LIN28B: variants seen among roughly 807,000 people sequenced by gnomAD.
LIN28B encodes the protein lin-28 RNA binding posttranscriptional regulator B.
In LIN28B, 5 loss-of-function variants were observed where a neutral mutation model predicts 21.9. The ratio of observed to expected loss-of-function variants is 0.23; its 90% CI spans 0.12 to 0.48. LIN28B has a LOEUF of 0.48. Ranked by LOEUF, LIN28B falls within the 20% of genes least tolerant of loss-of-function variation. The probability of loss-of-function intolerance (pLI) is 0.98; values close to 1 mark genes in which losing one functional copy is unlikely to be tolerated. For synonymous variants in LIN28B, 109 were observed against 111.3 expected (o/e 0.98, Z 0.13); for missense variants, 245 against 310.5 (o/e 0.79, Z 1.58).
At chr6:105,029,213 T>C (rs1173893782) in intron 3 of LIN28B, among the ~76,000 whole-genome samples, 1 of 152,160 alleles carries the variant, frequency 6.6e-6, no homozygotes, top group Non-Finnish European at 1.5e-5. Flanking sequence ...TGAGAAGTGT[T>C]TCTATAATAA....
chr6:104,964,502 A>G (rs894127073), intron 2 of LIN28B, among the ~76,000 whole-genome samples: 1 of 152,154 alleles, frequency 6.6e-6, no homozygotes, highest in African/African-American at 2.4e-5. Flanking sequence ...ACTTTGAGCT[A>G]TTTCCCCTGA....
upstream of LIN28B, among the ~76,000 whole-genome samples, chr6:104,953,161 C>T (rs778112536): frequency 2.0e-5 from 3 of 152,148 alleles, no homozygotes; most frequent in Non-Finnish European, 4.4e-5. Context: ...AGAGAGAGAT[C>T]CCGAAAATCG....
chr6:105,066,184 ATTAG>A lies in LIN28B; in HGVS notation c.384-12224_384-12221del, dbSNP rs140800348. ...CAAGACTCTGTCTCAAAAAATAATA[ATTAG>A]TTAGTAAGTAGGAAGTGCTAGTAGT... On this transcript the variant is annotated intron_variant, in intron 3 of 3. Transcript: ENST00000345080. Among the ~76,000 whole-genome samples, 519 of 152,268 alleles carry A rather than the reference ATTAG, an allele frequency of 3.4e-3. 5 individuals are homozygous for A. The highest frequency in any genetic ancestry group is 0.012 in the African/African-American group (488 of 41,562).
intron 2 of LIN28B, among the ~76,000 whole-genome samples, chr6:105,014,158 A>T (rs1770980423): frequency 6.6e-6 from 1 of 151,622 alleles, no homozygotes; most frequent in African/African-American, 2.4e-5. Flanking sequence ...CTGTTTTATT[A>T]TTTTTTTAAG....
At chr6:104,967,958 T>C (rs1039698862) in intron 2 of LIN28B, among the ~76,000 whole-genome samples, 17 of 152,174 alleles carry the variant, frequency 1.1e-4, no homozygotes, top group African/African-American at 4.1e-4. Flanking sequence ...CTCTGCCTCC[T>C]TAAGTGCTGG....
At chr6:105,049,368 A>G (rs977316151) in intron 3 of LIN28B, among the ~76,000 whole-genome samples, 3 of 152,068 alleles carry the variant, frequency 2.0e-5, no homozygotes, top group Admixed American at 2.0e-4. Flanking sequence ...CCTGAGAGAC[A>G]GTTTGTTATA....
chr6:104,953,171 G>A (rs73771034), upstream of LIN28B, among the ~76,000 whole-genome samples: 620 of 152,192 alleles, frequency 4.1e-3, 2 homozygotes, highest in African/African-American at 0.015. Context: ...CCCGAAAATC[G>A]CCCCCAGCCT....
chr6:104,948,623 A>G (rs1464288322), intron 2 of LIN28B, among the ~76,000 whole-genome samples: 1 of 152,208 alleles, frequency 6.6e-6, no homozygotes. Context: ...TTAAAATTAT[A>G]AATATTTTAC....
chr6:105,046,491 C>A (rs1477525355), intron 3 of LIN28B, among the ~76,000 whole-genome samples: 2 of 152,170 alleles, frequency 1.3e-5, no homozygotes, highest in African/African-American at 4.8e-5. Flanking sequence ...ATGCATGTGT[C>A]TTTATAGCAG....
chr6:105,026,752 C>T (rs1771294600), intron 3 of LIN28B, among the ~76,000 whole-genome samples: 1 of 152,064 alleles, frequency 6.6e-6, no homozygotes, highest in Non-Finnish European at 1.5e-5. Flanking sequence ...GTTGAAGTTC[C>T]CAATAGATAG....
At chr6:105,010,285 C>G (rs192886402) in intron 2 of LIN28B, among the ~76,000 whole-genome samples, 85 of 151,346 alleles carry the variant, frequency 5.6e-4, no homozygotes, top group African/African-American at 2.0e-3. Flanking sequence ...ATTACTTGAG[C>G]CTGGGAGGTG....
intron 2 of LIN28B, among the ~76,000 whole-genome samples, chr6:104,977,036 AT>A (rs199621542): frequency 2.0e-5 from 3 of 149,640 alleles, no homozygotes; most frequent in African/African-American, 2.4e-5. Context: ...CCTTATTTTT[AT>A]TTTTTTTTTG....
intron 3 of LIN28B, among the ~76,000 whole-genome samples, chr6:105,048,108 G>T (rs1771808842): frequency 6.6e-6 from 1 of 152,196 alleles, no homozygotes; most frequent in African/African-American, 2.4e-5. Context: ...GTTTTCAAAG[G>T]GAATGCTTCC....
intron 2 of LIN28B, among the ~76,000 whole-genome samples, chr6:104,985,990 C>G (rs985261567): frequency 6.6e-6 from 1 of 152,022 alleles, no homozygotes; most frequent in Non-Finnish European, 1.5e-5. Context: ...TGTGTCCCTG[C>G]CCAAATCTCA....
At chr6:104,979,380 G>T (rs1770172807) in intron 2 of LIN28B, among the ~76,000 whole-genome samples, 1 of 151,846 alleles carries the variant, frequency 6.6e-6, no homozygotes, top group Non-Finnish European at 1.5e-5. Context: ...GCTAATTTTT[G>T]TATTTTTAGT....
At chr6:104,974,840 G>A (rs1770054418) in intron 2 of LIN28B, among the ~76,000 whole-genome samples, 1 of 151,664 alleles carries the variant, frequency 6.6e-6, no homozygotes, top group African/African-American at 2.4e-5. Flanking sequence ...TATTTTTTGA[G>A]ATGGAGTCTC....
chr6:105,076,542 A>T (rs1772427288), intron 3 of LIN28B, among the ~76,000 whole-genome samples: 1 of 152,202 alleles, frequency 6.6e-6, no homozygotes. Context: ...CACACATACA[A>T]ATATGTCATC....
intron 3 of LIN28B, among the ~76,000 whole-genome samples, chr6:105,063,865 A>G (rs1281565305): frequency 2.7e-5 from 4 of 148,870 alleles, no homozygotes; most frequent in Admixed American, 6.7e-5. Context: ...TCAGAATTCT[A>G]TTTTTCAATA....
intron 3 of LIN28B, among the ~76,000 whole-genome samples, chr6:105,028,700 G>A (rs540421676): frequency 6.6e-6 from 1 of 152,198 alleles, no homozygotes; most frequent in South Asian, 2.1e-4. Context: ...TTTAATTAGA[G>A]ATACATAATG....
Sources: gnomAD v4.1 joint callset for allele counts (sites outside exome capture counted in the v4.1 genomes callset) on GRCh38, gnomAD v4.1.1 for gene constraint, MANE v1.5 for transcripts, NCBI Gene and HGNC (gene_info 2026-07-23, HGNC 2026-07-21) for gene names.